GRIN2B: variants seen among roughly 807,000 people sequenced by gnomAD.
GRIN2B encodes the protein glutamate ionotropic receptor NMDA type subunit 2B, also known as glutamate receptor ionotropic, NMDA 2B.
A neutral mutation model predicts 114.5 loss-of-function variants in GRIN2B; 5 were observed. That is an observed-to-expected ratio of 0.04 (90% CI 0.02 to 0.09). The LOEUF is 0.09. Among genes scored for constraint, GRIN2B ranks in the 10% least tolerant of loss-of-function variants. The pLI, the probability that GRIN2B is intolerant of heterozygous loss-of-function variation, is 1.00. For synonymous variants in GRIN2B, 787 were observed against 745.1 expected (o/e 1.06, Z -0.92); for missense variants, 1,108 against 1,943.5 (o/e 0.57, Z 8.08).
At chr12:13,774,419 C>T (rs1215686127) in intron 3 of GRIN2B, among the ~76,000 whole-genome samples, 6 of 152,068 alleles carry the variant, frequency 3.9e-5, no homozygotes, top group Non-Finnish European at 8.8e-5. Context: ...AAGTCAATGT[C>T]GTCAGGAAAA....
intron 5 of GRIN2B, among the ~76,000 whole-genome samples, chr12:13,666,494 C>G (rs1949977095): frequency 1.3e-5 from 2 of 152,038 alleles, no homozygotes; most frequent in Non-Finnish European, 2.9e-5. Flanking sequence ...ATAAAATCAC[C>G]CTGAATAATC....
At chr12:13,575,695 A>AATC (rs1326463743) in intron 10 of GRIN2B, among the ~76,000 whole-genome samples, 1 of 148,170 alleles carries the variant, frequency 6.7e-6, no homozygotes, top group South Asian at 2.1e-4. Flanking sequence ...TAATAATAAT[A>AATC]ATCAAAATAA....
At chr12:13,676,131 C>A (rs1228525446) in intron 4 of GRIN2B, among the ~76,000 whole-genome samples, 1 of 151,974 alleles carries the variant, frequency 6.6e-6, no homozygotes, top group African/African-American at 2.4e-5. Flanking sequence ...CAAGTGGGAG[C>A]TGAACAATGT....
intron 3 of GRIN2B, among the ~76,000 whole-genome samples, chr12:13,834,019 TC>T (rs1160156346): frequency 1.1e-4 from 13 of 121,732 alleles, no homozygotes; most frequent in Admixed American, 2.0e-4. Context: ...TTTGCTAACT[TC>T]TTTTTTTTTT....
intron 4 of GRIN2B, among the ~76,000 whole-genome samples, chr12:13,716,545 G>A (rs754286910): frequency 6.6e-6 from 1 of 151,868 alleles, no homozygotes; most frequent in Non-Finnish European, 1.5e-5. Context: ...CACAGTGGAT[G>A]ATGGCAAGTG....
intron 2 of GRIN2B, among the ~76,000 whole-genome samples, chr12:13,929,387 T>C (rs545032123): frequency 6.6e-6 from 1 of 152,296 alleles, no homozygotes; most frequent in Admixed American, 6.5e-5. Context: ...GGAATCAGCA[T>C]AGATTCATTA....
At chr12:13,654,751 C>T (rs1949846414) in intron 5 of GRIN2B, among the ~76,000 whole-genome samples, 1 of 152,070 alleles carries the variant, frequency 6.6e-6, no homozygotes, top group African/African-American at 2.4e-5. Flanking sequence ...GTGGTATTGT[C>T]CAGATAACTC....
Position 13,904,324 on chromosome 12 carries a change from T to C in GRIN2B, c.-18-38098A>G, listed in dbSNP as rs1369039183. 2.6e-5 allele frequency among the ~76,000 whole-genome samples: 4 copies of C among 152,166 alleles called. No individual in the cohort carries two copies. In the East Asian group the frequency reaches 5.8e-4, roughly 22 times the overall value. On this transcript the variant is annotated intron_variant, in intron 2 of 13. Transcript: ENST00000609686. ...TTGGTTTCTGGTGTCTTAGTGATTG[T>C]CCTAGAAATTAAAATATGTCTACTT...
chr12:13,894,211 A>G (rs2136779885), intron 2 of GRIN2B, among the ~76,000 whole-genome samples: 1 of 152,268 alleles, frequency 6.6e-6, no homozygotes, highest in East Asian at 1.9e-4. Flanking sequence ...TTGACCCCGT[A>G]ATTCAATTTC....
chr12:13,647,966 T>C (rs967337599), intron 5 of GRIN2B, among the ~76,000 whole-genome samples: 3 of 152,004 alleles, frequency 2.0e-5, no homozygotes, highest in African/African-American at 2.4e-5. Flanking sequence ...AGAGCATTGG[T>C]TGAGATATCT....
chr12:13,888,473 A>G (rs528884575), intron 2 of GRIN2B, among the ~76,000 whole-genome samples: 132 of 151,072 alleles, frequency 8.7e-4, no homozygotes, highest in African/African-American at 3.2e-3. Flanking sequence ...GTGGCTCACA[A>G]CTGTAATCCC....
At chr12:13,609,997 T>C (rs1244132028) in intron 9 of GRIN2B, 4 of 152,260 alleles carry the variant, frequency 2.6e-5, no homozygotes, top group Admixed American at 6.5e-5. Flanking sequence ...TGAATCTCCA[T>C]GTAGCCCCTC....
rs145317720 is a variant in GRIN2B at position 13,656,413 on chromosome 12, T to C, written c.1125+19332A>G. On this transcript the variant is annotated intron_variant, in intron 5 of 13. Coordinates refer to ENST00000609686, the MANE Select transcript of GRIN2B (RefSeq NM_000834.5). ...TGTGCACGTAACCATGACACACCAA[T>C]GTGCAGGCAGTTCAGCCTGACTCGA... Among the ~76,000 whole-genome samples, 10 of 152,318 alleles carry C rather than the reference T, an allele frequency of 6.6e-5. No homozygotes were observed. The East Asian group carries it at 1.9e-3, about 29-fold the overall frequency.
At chr12:13,698,247 T>C (rs1177613403) in intron 4 of GRIN2B, among the ~76,000 whole-genome samples, 1 of 152,186 alleles carries the variant, frequency 6.6e-6, no homozygotes, top group Non-Finnish European at 1.5e-5. Flanking sequence ...AGCGGAATGA[T>C]TTTACATTTA....
At chr12:13,671,893 TAAAC>T (rs1484170052) in intron 5 of GRIN2B, among the ~76,000 whole-genome samples, 1 of 151,948 alleles carries the variant, frequency 6.6e-6, no homozygotes, top group East Asian at 1.9e-4. Flanking sequence ...AGGCAGGCAA[TAAAC>T]AAACAAGCAA....
chr12:13,648,451 G>A (rs960600870), intron 5 of GRIN2B, among the ~76,000 whole-genome samples: 8 of 151,912 alleles, frequency 5.3e-5, no homozygotes, highest in Non-Finnish European at 8.8e-5. Flanking sequence ...TGGCTTTAAC[G>A]CAGCCAAGTA....
At chr12:13,823,341 C>T (rs1317874338) in intron 3 of GRIN2B, among the ~76,000 whole-genome samples, 1 of 151,998 alleles carries the variant, frequency 6.6e-6, no homozygotes, top group East Asian at 1.9e-4. Flanking sequence ...TTCAATATTT[C>T]TCAGCAATGC....
chr12:13,623,871 T>G (rs147746944), intron 5 of GRIN2B, among the ~76,000 whole-genome samples: 1 of 152,204 alleles, frequency 6.6e-6, no homozygotes, highest in Non-Finnish European at 1.5e-5. Context: ...TCCCAAAGTG[T>G]TCTTCTTTGG....
chr12:13,952,278 G>A (rs1034206131), intron 2 of GRIN2B, among the ~76,000 whole-genome samples: 3 of 152,124 alleles, frequency 2.0e-5, no homozygotes, highest in East Asian at 1.9e-4. Flanking sequence ...TGAAGCACTC[G>A]ATTCTAGAAT....
Sources: allele counts gnomAD v4.1 joint callset (sites outside exome capture counted in the v4.1 genomes callset), GRCh38; gene constraint gnomAD v4.1.1; transcripts MANE v1.5; gene names NCBI Gene and HGNC (gene_info 2026-07-23, HGNC 2026-07-21).